Variants in AHCTF1 observed in about 807,000 individuals in gnomAD.
The protein encoded by AHCTF1 is AT-hook containing transcription factor 1, also known as protein ELYS.
A neutral mutation model predicts 248.4 loss-of-function variants in AHCTF1; 24 were observed. That is an observed-to-expected ratio of 0.10 (90% CI 0.07 to 0.14). The LOEUF is 0.14. AHCTF1 is among the 10% of genes least tolerant of loss of function. AHCTF1 has a pLI of 1.00. For synonymous variants in AHCTF1, 786 were observed against 929.8 expected (o/e 0.85, Z 2.81); for missense variants, 2,206 against 2,636.2 (o/e 0.84, Z 3.57).
intron 1 of AHCTF1, among the ~76,000 whole-genome samples, chr1:246,927,175 C>T (rs1170333785): frequency 6.8e-6 from 1 of 147,656 alleles, no homozygotes; most frequent in Non-Finnish European, 1.5e-5. Context: ...GAGACTCTGT[C>T]TCAAAAAAAA....
chr1:246,904,379 C>T (rs754023078), intron 6 of AHCTF1, among the ~76,000 whole-genome samples: 1 of 152,178 alleles, frequency 6.6e-6, no homozygotes, highest in Non-Finnish European at 1.5e-5. Flanking sequence ...CATCTCCCAG[C>T]TTCCTTTGCA....
At chr1:246,846,398 T>C (rs1427045339) in intron 33 of AHCTF1, among the ~76,000 whole-genome samples, 1 of 151,952 alleles carries the variant, frequency 6.6e-6, no homozygotes, top group Admixed American at 6.6e-5. Flanking sequence ...GAGTGGTCAT[T>C]GCTTTGTTAA....
In AHCTF1 at chr1:246,890,235, G is replaced by C. The variant is rs138568854; in HGVS notation, c.2051-176C>G. On this transcript the variant is annotated intron_variant, in intron 16 of 35. Transcript: ENST00000648844. ...TCTTTTTATTTACAGAGGCACAAGT[G>C]AGAAAATGATCTGTCATGAAAGTCT... is the stretch of plus-strand genomic sequence containing the variant. 9.2e-5 allele frequency among the ~76,000 whole-genome samples: 14 copies of C among 152,298 alleles called. No homozygotes were observed. In the East Asian group the frequency reaches 2.5e-3, roughly 27 times the overall value.
intron 4 of AHCTF1, among the ~76,000 whole-genome samples, chr1:246,908,346 T>C (rs369978816): frequency 8.6e-5 from 11 of 128,218 alleles, no homozygotes; most frequent in African/African-American, 3.2e-4. Context: ...AAAAGAGGGG[T>C]GGGGCAAGGG....
chr1:246,863,810 A>G, intron 27 of AHCTF1, 114 bp downstream of exon 27: 1 of 1,055,896 alleles, frequency 9.5e-7, no homozygotes, highest in Non-Finnish European at 1.4e-6. Context: ...TGCTTAAAGC[A>G]TTTCCCAGCA....
chr1:246,840,757 T>C lies in AHCTF1; in HGVS notation c.*49A>G. On this transcript the variant is annotated 3_prime_UTR_variant, in exon 36 of 36. Coordinates refer to ENST00000648844, the MANE Select transcript of AHCTF1 (RefSeq NM_001323342.2). ...AAACTAGATATTTAATAATCCACACTATTCTGATGACTTTACAAATAGGTG... is the reference window on the plus strand; with the variant it reads ...AAACTAGATATTTAATAATCCACACCATTCTGATGACTTTACAAATAGGTG... 1 of 1,368,444 alleles carries C rather than the reference T, an allele frequency of 7.3e-7. No homozygotes were observed. Among genetic ancestry groups the C allele is most frequent in the Admixed American group, 2.4e-5 (1 of 41,726 alleles). The allele number at this position is 1,368,444 out of a possible 1,614,324, so 84.8% of individuals were successfully genotyped here.
Position 246,920,586 on chromosome 1 carries a change from A to C in AHCTF1, c.-7-2209T>G, listed in dbSNP as rs201421761. Reference sequence around the variant, plus strand: ...GAGATCGAGACCATCCTGGCTAACAAGGTGAAACCCTGTCTCTACTAAAAA... The same window carrying C: ...GAGATCGAGACCATCCTGGCTAACACGGTGAAACCCTGTCTCTACTAAAAA... On this transcript the variant is annotated intron_variant, in intron 1 of 35. Transcript: ENST00000648844. Among the ~76,000 whole-genome samples, 935 of 151,536 alleles carry C rather than the reference A, an allele frequency of 6.2e-3. 5 individuals are homozygous for C. Among genetic ancestry groups the C allele is most frequent in the Non-Finnish European group, 9.2e-3 (622 of 67,808 alleles).
chr1:246,860,987 A>C lies in AHCTF1; in HGVS notation c.4044T>G (p.Thr1348=), dbSNP rs1405437615. Residue 1348 remains threonine, a synonymous_variant, in exon 29 of 36, where the codon ACT becomes ACG. Transcript: ENST00000648844. The stretch of plus-strand genomic sequence containing the variant: ...TTTCAGTTTGTTCAGTTACATTAGT[A>C]GTTAGTGCAGTGGAAGAGCTTTTGG... ...SKPKSSSTAL[T]TNVTEQTEKD... is the part of the protein sequence containing the mutation. The C allele has an allele frequency of 5.6e-6, 9 of 1,613,852 alleles. No homozygotes were observed. In the East Asian group the frequency reaches 1.1e-4, roughly 20 times the overall value.
intron 8 of AHCTF1, among the ~76,000 whole-genome samples, 156 bp downstream of exon 8, chr1:246,902,369 C>A (rs1472362425): frequency 6.6e-6 from 1 of 152,034 alleles, no homozygotes; most frequent in Non-Finnish European, 1.5e-5. Flanking sequence ...ATCTGGAGAG[C>A]AAGAAATATC....
chr1:246,864,291 C>A, intron 26 of AHCTF1, 175 bp from the exon 27 acceptor site: 2 of 633,708 alleles, frequency 3.2e-6, no homozygotes, highest in Non-Finnish European at 2.6e-6. Flanking sequence ...GAAAATTATT[C>A]ATCGCAAAAC....
intron 1 of AHCTF1, chr1:246,931,125 T>A: frequency 6.5e-7 from 1 of 1,549,262 alleles, no homozygotes. Flanking sequence ...CCAGGACTAC[T>A]CACTGTGGCC....
In AHCTF1 at chr1:246,931,056, C is replaced by A. The variant is rs148056251; in HGVS notation, c.-8+522G>T. On this transcript the variant is annotated intron_variant, in intron 1 of 35. Coordinates refer to ENST00000648844, the MANE Select transcript of AHCTF1 (RefSeq NM_001323342.2). Reference sequence around the variant, plus strand: ...TGCTTTTATTTTAAATCTCCTTGATCTGACCAATCGGGTGAGCTGGAACCT... The same window carrying A: ...TGCTTTTATTTTAAATCTCCTTGATATGACCAATCGGGTGAGCTGGAACCT... 569 of 1,526,782 alleles carry A rather than the reference C, an allele frequency of 3.7e-4. 5 individuals carry two copies. In the African/African-American group the frequency reaches 6.8e-3, roughly 18 times the overall value. The allele number at this position is 1,526,782 out of a possible 1,614,324, so 94.6% of individuals were successfully genotyped here.
chr1:246,892,603 G>A (rs1162993231), intron 14 of AHCTF1, among the ~76,000 whole-genome samples: 2 of 152,170 alleles, frequency 1.3e-5, no homozygotes, highest in Admixed American at 6.5e-5. Flanking sequence ...TTACAGGCAT[G>A]AGCCACTGTG....
intron 8 of AHCTF1, among the ~76,000 whole-genome samples, chr1:246,902,046 C>T (rs6686324): frequency 0.026 from 4,005 of 152,158 alleles, 181 homozygotes; most frequent in African/African-American, 0.092. Context: ...GATGGAGAAA[C>T]AGAGCTCTGA....
chr1:246,883,375 TTATG>T (rs754802806), intron 21 of AHCTF1, among the ~76,000 whole-genome samples: 6 of 152,208 alleles, frequency 3.9e-5, no homozygotes, highest in Non-Finnish European at 7.3e-5. Context: ...AATTAGGTGA[TTATG>T]TATGACCGCA....
intron 33 of AHCTF1, among the ~76,000 whole-genome samples, chr1:246,845,289 T>G (rs973914714): frequency 6.6e-6 from 1 of 152,154 alleles, no homozygotes; most frequent in African/African-American, 2.4e-5. Context: ...ATGTTTTCTG[T>G]GGGTACACAG....
chr1:246,920,056 T>C (rs1666419688), intron 1 of AHCTF1, among the ~76,000 whole-genome samples: 1 of 144,790 alleles, frequency 6.9e-6, no homozygotes, highest in Non-Finnish European at 1.5e-5. Flanking sequence ...GGCAGGAGAA[T>C]TGCTTGAACC....
At chr1:246,857,226 T>C (rs1324748082) in intron 30 of AHCTF1, among the ~76,000 whole-genome samples, 2 of 152,220 alleles carry the variant, frequency 1.3e-5, no homozygotes, top group African/African-American at 4.8e-5. Context: ...TCTGGTAAAG[T>C]GTCAATGAAA....
At chr1:246,894,512 T>A in intron 14 of AHCTF1, 147 bp downstream of exon 14, 1 of 652,976 alleles carries the variant, frequency 1.5e-6, no homozygotes, top group East Asian at 2.8e-5. Flanking sequence ...CACTGCACTA[T>A]AGCCTGGCGA....
Sources: gnomAD v4.1 joint callset for allele counts (sites outside exome capture counted in the v4.1 genomes callset) on GRCh38, gnomAD v4.1.1 for gene constraint, MANE v1.5 for transcripts, NCBI Gene and HGNC (gene_info 2026-07-23, HGNC 2026-07-21) for gene names.